SETD2: variants seen among roughly 807,000 people sequenced by gnomAD.
SETD2 encodes the protein histone-lysine N-methyltransferase SETD2.
In SETD2, 31 loss-of-function variants were observed where a neutral mutation model predicts 242.1. That is an observed-to-expected ratio of 0.13 (90% CI 0.10 to 0.17). SETD2 has a LOEUF of 0.17. SETD2 is among the 10% of genes least tolerant of loss of function. SETD2 has a pLI of 1.00. For missense variants in SETD2, 2,481 were observed against 3,046.3 expected, an observed-to-expected ratio of 0.81 and a Z score of 4.37; for synonymous variants, 1,006 against 1,066.5, an observed-to-expected ratio of 0.94 and a Z score of 1.11.
intron 18 of SETD2, among the ~76,000 whole-genome samples, chr3:47,025,703 T>C (rs1204045822): frequency 2.0e-5 from 3 of 152,250 alleles, no homozygotes; most frequent in African/African-American, 4.8e-5. Flanking sequence ...TCAGTCCTGG[T>C]TACCTATAGG....
At chr3:47,145,740 G>A (rs941173771) in intron 1 of SETD2, among the ~76,000 whole-genome samples, 4 of 152,128 alleles carry the variant, frequency 2.6e-5, no homozygotes, top group African/African-American at 9.7e-5. Flanking sequence ...AGCTGAACAG[G>A]TGTGGTGGCT....
intron 4 of SETD2, 38 bp from the exon 5 acceptor site, chr3:47,114,042 C>T (rs1575798481): frequency 6.3e-7 from 1 of 1,586,330 alleles, no homozygotes; most frequent in Non-Finnish European, 8.5e-7. Context: ...TTCTTTAAAG[C>T]AGCAAAAGAA....
At chr3:47,082,877 T>C (rs1045469106) in intron 12 of SETD2, among the ~76,000 whole-genome samples, 3 of 152,184 alleles carry the variant, frequency 2.0e-5, no homozygotes, top group Non-Finnish European at 4.4e-5. Context: ...GGTGTTCATC[T>C]TGCTGCAAAG....
At chr3:47,136,826 T>C (rs2043598808) in intron 1 of SETD2, among the ~76,000 whole-genome samples, 1 of 152,068 alleles carries the variant, frequency 6.6e-6, no homozygotes, top group Non-Finnish European at 1.5e-5. Context: ...TGATAGCGGG[T>C]GCCTGTAATC....
chr3:47,060,433 T>C (rs2040282634), intron 14 of SETD2, among the ~76,000 whole-genome samples: 1 of 152,114 alleles, frequency 6.6e-6, no homozygotes, highest in South Asian at 2.1e-4. Context: ...GCAGTAGTGA[T>C]TTGCTACCAA....
chr3:47,124,292 T>C lies in SETD2; in HGVS notation c.344A>G (p.Lys115Arg). 2 of 1,551,754 alleles carry C rather than the reference T, an allele frequency of 1.3e-6. No homozygotes were observed. Among genetic ancestry groups the C allele is most frequent in the Non-Finnish European group, 1.7e-6 (2 of 1,147,002 alleles). Residue 115 changes from lysine (K) to arginine (R), a missense_variant, in exon 3 of 21, where the codon AAA (lysine) becomes AGA (arginine). Transcript: ENST00000409792. ...AVPLQVDSTP[K>R]MKMEIGDTLS... ...GGTATCACCAATTTCCATTTTCATTTTAGGAGTCGAGTCTACCTGAAGAGG... is the reference window on the plus strand; with the variant it reads ...GGTATCACCAATTTCCATTTTCATTCTAGGAGTCGAGTCTACCTGAAGAGG...
intron 3 of SETD2, among the ~76,000 whole-genome samples, chr3:47,118,758 A>G (rs1362752249): frequency 6.6e-6 from 1 of 151,912 alleles, no homozygotes; most frequent in Non-Finnish European, 1.5e-5. Flanking sequence ...ATCTATGTGC[A>G]CAGTTTTATA....
chr3:47,120,786 G>A lies in SETD2; in HGVS notation c.3850C>T (p.His1284Tyr), dbSNP rs1387669118. 2 of 1,614,064 alleles carry A rather than the reference G, an allele frequency of 1.2e-6. No individual in the cohort carries two copies. Among genetic ancestry groups the A allele is most frequent in the Non-Finnish European group, 1.7e-6 (2 of 1,180,034 alleles). The change falls in exon 3 of 21, where the codon CAC (histidine) becomes TAC (tyrosine). Residue 1284 changes from histidine (H) to tyrosine (Y), a missense_variant. Coordinates refer to ENST00000409792, the MANE Select transcript of SETD2 (RefSeq NM_014159.7). ...PDSSYGACGG[H>Y]KYQQNAEQYG... Reference sequence around the variant, plus strand: ...TGTTCTGCATTTTGCTGATACTTGTGTCCACCACAAGCTCCATAGCTACTG... The same window carrying A: ...TGTTCTGCATTTTGCTGATACTTGTATCCACCACAAGCTCCATAGCTACTG...
chr3:47,117,947 T>C (rs1031177504), intron 3 of SETD2, among the ~76,000 whole-genome samples: 13 of 152,338 alleles, frequency 8.5e-5, no homozygotes, highest in Non-Finnish European at 1.8e-4. Context: ...TAGGGAACTA[T>C]AAGAACTATA....
chr3:47,092,505 T>C (rs1023924482), intron 9 of SETD2, among the ~76,000 whole-genome samples: 21 of 148,884 alleles, frequency 1.4e-4, no homozygotes, highest in African/African-American at 4.9e-4. Context: ...AAAATTTATA[T>C]ATATTAAATA....
intron 1 of SETD2, chr3:47,157,672 G>A (rs917335939): frequency 1.8e-5 from 7 of 389,964 alleles, no homozygotes; most frequent in East Asian, 7.4e-5. Flanking sequence ...TCAGGAGTTC[G>A]AGACCAGCCT....
intron 14 of SETD2, among the ~76,000 whole-genome samples, chr3:47,060,177 A>G (rs1245154385): frequency 6.6e-6 from 1 of 152,160 alleles, no homozygotes; most frequent in Non-Finnish European, 1.5e-5. Flanking sequence ...GGACTGCCTG[A>G]GCTGGTGCAG....
intron 16 of SETD2, 145 bp downstream of exon 16, chr3:47,046,342 A>AAAAAT (rs994830549): frequency 5.9e-6 from 4 of 675,048 alleles, no homozygotes; most frequent in African/African-American, 3.8e-5. Context: ...GTCTCAAAAA[A>AAAAAT]AAAATAAAAT....
intron 15 of SETD2, among the ~76,000 whole-genome samples, chr3:47,048,487 GTGAATA>G (rs1189637145): frequency 3.3e-5 from 5 of 152,158 alleles, no homozygotes; most frequent in Non-Finnish European, 7.3e-5. Flanking sequence ...TGGTGAGTGA[GTGAATA>G]TGAAGGCCTA....
chr3:47,136,039 T>C (rs753986403), intron 1 of SETD2, among the ~76,000 whole-genome samples: 7 of 152,156 alleles, frequency 4.6e-5, no homozygotes, highest in Non-Finnish European at 1.0e-4. Flanking sequence ...CCCATCCAAC[T>C]AATAGGTACT....
At chr3:47,042,422 G>C in intron 17 of SETD2, 139 bp downstream of exon 17, 1 of 743,308 alleles carries the variant, frequency 1.3e-6, no homozygotes, top group Non-Finnish European at 2.3e-6. Flanking sequence ...CTTAAGATGT[G>C]ATTCTGGAAA....
intron 5 of SETD2, among the ~76,000 whole-genome samples, chr3:47,110,282 ATT>A (rs2042599639): frequency 6.6e-6 from 1 of 152,226 alleles, no homozygotes; most frequent in East Asian, 1.9e-4. Context: ...GTATGAGAAG[ATT>A]CTGCTTAACA....
chr3:47,078,021 C>T (rs60949675), intron 12 of SETD2, among the ~76,000 whole-genome samples: 11,334 of 151,970 alleles, frequency 0.075, 1,419 homozygotes, highest in African/African-American at 0.26. Context: ...AAAGAATGTC[C>T]AATAAACAAA....
chr3:47,081,525 T>C (rs1439435226), intron 12 of SETD2, among the ~76,000 whole-genome samples: 1 of 152,244 alleles, frequency 6.6e-6, no homozygotes, highest in Non-Finnish European at 1.5e-5. Flanking sequence ...CAGACAGAAG[T>C]AGTTAACTCT....
Sources: gnomAD v4.1 joint callset for allele counts (sites outside exome capture counted in the v4.1 genomes callset) on GRCh38, gnomAD v4.1.1 for gene constraint, MANE v1.5 for transcripts, NCBI Gene and HGNC (gene_info 2026-07-23, HGNC 2026-07-21) for gene names.